The following MATCAP2 variants were observed in gnomAD, a reference collection of about 807,000 sequenced individuals.
The protein encoded by MATCAP2 is microtubule associated tyrosine carboxypeptidase 2.
At chr7:36,331,835 C>CATACCACATAATAT in the MATCAP2 span, among the ~76,000 whole-genome samples, 3 of 152,130 alleles carry the variant, frequency 2.0e-5, no homozygotes, top group Non-Finnish European at 4.4e-5. Context: ...AATTCTACCA[C>CATACCACATAATAT]ATGGAGTCAT....
chr7:36,356,993 T>TA, the MATCAP2 span: 2 of 1,614,192 alleles, frequency 1.2e-6, no homozygotes, highest in Non-Finnish European at 1.7e-6. Context: ...ATTGTAGGTA[T>TA]AGTCAGATTT....
chr7:36,352,396 T>TA, the MATCAP2 span, among the ~76,000 whole-genome samples: 28,192 of 105,924 alleles, frequency 0.27, 4,074 homozygotes, highest in South Asian at 0.44. Flanking sequence ...GACTCCATCT[T>TA]AAAAAAAAAA....
chr7:36,338,744 A>T, the MATCAP2 span, among the ~76,000 whole-genome samples: 1 of 152,250 alleles, frequency 6.6e-6, no homozygotes, highest in Non-Finnish European at 1.5e-5. Context: ...GGTTTGAATA[A>T]GAAACATTTG....
chr7:36,366,772 T>C, the MATCAP2 span: 2 of 1,534,672 alleles, frequency 1.3e-6, no homozygotes, highest in Non-Finnish European at 1.7e-6. Context: ...CGCGAGCGCC[T>C]CCTGCGCGCC....
chr7:36,361,733 AAATG>A, the MATCAP2 span, among the ~76,000 whole-genome samples: 17 of 152,286 alleles, frequency 1.1e-4, no homozygotes, highest in African/African-American at 1.4e-4. Context: ...TCTAAAAAAC[AAATG>A]AACAAACAAA....
chr7:36,361,793 T>A, the MATCAP2 span, among the ~76,000 whole-genome samples: 3 of 152,100 alleles, frequency 2.0e-5, no homozygotes, highest in Admixed American at 6.6e-5. Context: ...AAGGATAAAT[T>A]GTGGTACGCT....
chr7:36,347,021 A>C, the MATCAP2 span, among the ~76,000 whole-genome samples: 1 of 152,204 alleles, frequency 6.6e-6, no homozygotes, highest in Admixed American at 6.5e-5. Flanking sequence ...GGCCCCCCAA[A>C]GTGCTGGCAT....
the MATCAP2 span, among the ~76,000 whole-genome samples, chr7:36,332,033 A>G: frequency 1.3e-5 from 2 of 152,240 alleles, no homozygotes; most frequent in Non-Finnish European, 1.5e-5. Context: ...GAAAATGTTG[A>G]TAATAGCTAT....
chr7:36,339,716 G>A, the MATCAP2 span, among the ~76,000 whole-genome samples: 1 of 152,220 alleles, frequency 6.6e-6, no homozygotes, highest in Non-Finnish European at 1.5e-5. Context: ...TGAGAAGAAT[G>A]TGACAAATGT....
chr7:36,345,878 ATAC>A, the MATCAP2 span, among the ~76,000 whole-genome samples: 33 of 152,302 alleles, frequency 2.2e-4, no homozygotes, highest in Non-Finnish European at 4.1e-4. Context: ...GCTTCTAAGG[ATAC>A]TATCATAAAA....
the MATCAP2 span, chr7:36,357,500 G>A: frequency 6.2e-7 from 1 of 1,613,898 alleles, no homozygotes; most frequent in South Asian, 1.1e-5. Context: ...GGACAAATGT[G>A]AAATGCTTCT....
At chr7:36,330,883 A>G in the MATCAP2 span, 6 of 697,860 alleles carry the variant, frequency 8.6e-6, no homozygotes, top group African/African-American at 1.7e-5. Context: ...ACAATAAACT[A>G]AAAATACTGT....
the MATCAP2 span, among the ~76,000 whole-genome samples, chr7:36,378,549 G>A: frequency 1.6e-4 from 24 of 152,334 alleles, no homozygotes; most frequent in Admixed American, 1.6e-3. Flanking sequence ...GGCTACATGG[G>A]GTTCAGGGAC....
At chr7:36,379,847 C>CACACACAGAGAGAGAGAG in the MATCAP2 span, among the ~76,000 whole-genome samples, 23 of 107,700 alleles carry the variant, frequency 2.1e-4, no homozygotes, top group South Asian at 3.9e-3. Flanking sequence ...CACACACACA[C>CACACACAGAGAGAGAGAG]AGAGAGAGAG....
the MATCAP2 span, among the ~76,000 whole-genome samples, chr7:36,359,394 G>C: frequency 6.6e-6 from 1 of 152,156 alleles, no homozygotes; most frequent in African/African-American, 2.4e-5. Flanking sequence ...CTAAATGTTA[G>C]TTTTTAAAAC....
At chr7:36,328,239 T>TTGG in the MATCAP2 span, among the ~76,000 whole-genome samples, 5 of 25,234 alleles carry the variant, frequency 2.0e-4, 1 homozygote, top group Admixed American at 1.0e-3. Context: ...TTTGTTTTTG[T>TTGG]AGGGGGGGGG....
chr7:36,359,312 T>C, the MATCAP2 span, among the ~76,000 whole-genome samples: 7 of 152,186 alleles, frequency 4.6e-5, no homozygotes, highest in Non-Finnish European at 8.8e-5. Flanking sequence ...CTTCACTGCA[T>C]AGGACAATCT....
chr7:36,356,197 G>C, the MATCAP2 span: 1 of 152,276 alleles, frequency 6.6e-6, no homozygotes, highest in East Asian at 1.9e-4. Flanking sequence ...ACCAGGGATT[G>C]CATGCTCCAT....
the MATCAP2 span, chr7:36,356,754 G>A: frequency 1.4e-6 from 1 of 705,394 alleles, no homozygotes; most frequent in South Asian, 1.7e-5. Context: ...TACTCGTCTT[G>A]TCGCACATTT....
Sources: gnomAD v4.1 joint callset for allele counts (sites outside exome capture counted in the v4.1 genomes callset) on GRCh38, gnomAD v4.1.1 for gene constraint, MANE v1.5 for transcripts, NCBI Gene and HGNC (gene_info 2026-07-23, HGNC 2026-07-21) for gene names.